The following FANCB variants were observed in gnomAD, a reference collection of about 807,000 sequenced individuals.
The protein encoded by FANCB is Fanconi anemia group B protein.
A neutral mutation model predicts 38.9 loss-of-function variants in FANCB; 5 were observed. The observed-to-expected ratio is 0.13, with a 90% CI of 0.07 to 0.27. The LOEUF (loss-of-function observed/expected upper bound fraction) is 0.27, where lower values mean the gene tolerates loss of function less well. Among genes scored for constraint, FANCB ranks in the 10% least tolerant of loss-of-function variants. The probability of loss-of-function intolerance (pLI) is 1.00; values close to 1 mark genes in which losing one functional copy is unlikely to be tolerated. For missense variants in FANCB, 573 were observed against 602.7 expected, an observed-to-expected ratio of 0.95 and a Z score of 0.52; for synonymous variants, 236 against 215.4, an observed-to-expected ratio of 1.10 and a Z score of -0.84.
At chrX:14,759,580 CA>C in the FANCB span, among the ~76,000 whole-genome samples, 2 of 111,275 alleles carry the variant, frequency 1.8e-5, no homozygotes, top group African/African-American at 6.5e-5. Context: ...CGTTTTTAAA[CA>C]AAATAATTAT....
chrX:14,831,828 C>T (rs1289264542), downstream of FANCB, among the ~76,000 whole-genome samples: 2 of 111,444 alleles, frequency 1.8e-5, no homozygotes, highest in African/African-American at 6.5e-5. Context: ...AGAGTAAAAA[C>T]AAGGAGACAA....
the FANCB span, among the ~76,000 whole-genome samples, chrX:14,729,459 C>A: frequency 9.0e-6 from 1 of 111,514 alleles, no homozygotes; most frequent in African/African-American, 3.3e-5. Context: ...GGAATAAATA[C>A]AATTTTTCAG....
At position 14,845,274 on chromosome X, in the gene FANCB, A is replaced by T; in HGVS notation, c.1509T>A (p.Asp503Glu). The change falls in exon 8 of 10, where the codon GAT (aspartate) becomes GAA (glutamate). Residue 503 changes from aspartate (D) to glutamate (E), a missense_variant. Transcript: ENST00000650831. ...TTSSLKLSLN[D>E]VTLSLLMDQA... is the part of the protein sequence containing the mutation. ...GATCCATTAACAATGATAAAGTCAC[A>T]TCATTCAGGGACCTGTAAAAAACCC... The T allele has an allele frequency of 8.3e-7, 1 of 1,208,342 alleles. No individual in the cohort carries two copies.
chrX:14,855,537 A>T (rs190141961), intron 5 of FANCB, among the ~76,000 whole-genome samples: 1 of 111,517 alleles, frequency 9.0e-6, no homozygotes, highest in East Asian at 2.8e-4. Flanking sequence ...AATTTTTCTC[A>T]TATATTCGGG....
chrX:14,785,429 T>C, the FANCB span, among the ~76,000 whole-genome samples: 1 of 112,422 alleles, frequency 8.9e-6, no homozygotes, highest in Non-Finnish European at 1.9e-5. Flanking sequence ...CTGCCATTTT[T>C]ACTTGACTTG....
At chrX:14,867,811 T>G (rs756753323) in intron 2 of FANCB, among the ~76,000 whole-genome samples, 1 of 105,896 alleles carries the variant, frequency 9.4e-6, no homozygotes, top group Non-Finnish European at 1.9e-5. Context: ...TAAGAAAACA[T>G]TTGCAAACTA....
chrX:14,756,396 G>C, the FANCB span, among the ~76,000 whole-genome samples: 1 of 112,230 alleles, frequency 8.9e-6, no homozygotes, highest in East Asian at 2.8e-4. Flanking sequence ...ACTGATAGGA[G>C]AAAGTATTTG....
the FANCB span, among the ~76,000 whole-genome samples, chrX:14,794,460 A>G: frequency 1.8e-5 from 2 of 112,055 alleles, no homozygotes; most frequent in African/African-American, 6.5e-5. Context: ...TAAAGGGAAA[A>G]TTGGAGCTAC....
the FANCB span, among the ~76,000 whole-genome samples, chrX:14,820,113 C>T: frequency 9.0e-6 from 1 of 111,029 alleles, no homozygotes; most frequent in Non-Finnish European, 1.9e-5. Flanking sequence ...ACTAACCTAC[C>T]CATCCCTCTT....
chrX:14,796,519 CATAT>C, the FANCB span, among the ~76,000 whole-genome samples: 2 of 93,953 alleles, frequency 2.1e-5, no homozygotes, highest in African/African-American at 7.8e-5. Flanking sequence ...TAATATATAA[CATAT>C]ATAATCTATT....
chrX:14,867,931 G>T (rs752804555), intron 2 of FANCB, among the ~76,000 whole-genome samples: 42 of 110,851 alleles, frequency 3.8e-4, no homozygotes, highest in East Asian at 1.7e-3. Context: ...ACACACAAAT[G>T]GTCAAAAGGT....
In FANCB at chrX:14,856,308, A is replaced by G. The variant is rs750729917; in HGVS notation, c.1197+1554T>C. ...AAAAGACATAAGTAATTCATATTTT[A>G]GCAACTATAATAACTTTTCCTCTGA... On this transcript the variant is annotated intron_variant, in intron 5 of 9. Transcript: ENST00000650831. Among the ~76,000 whole-genome samples, 5 of 112,307 alleles carry G rather than the reference A, an allele frequency of 4.5e-5. No individual in the cohort carries two copies. The East Asian group carries it at 1.4e-3, about 31-fold the overall frequency.
chrX:14,755,987 A>T, the FANCB span, among the ~76,000 whole-genome samples: 2 of 112,131 alleles, frequency 1.8e-5, no homozygotes, highest in African/African-American at 6.5e-5. Context: ...GAAAACTCAG[A>T]ATATAAAAGA....
the FANCB span, among the ~76,000 whole-genome samples, chrX:14,748,448 T>C: frequency 1.8e-5 from 2 of 112,488 alleles, no homozygotes; most frequent in South Asian, 7.4e-4. Context: ...CCACAGCAAC[T>C]GTGCAGTAAT....
At position 14,864,770 on chromosome X, in the gene FANCB, G is replaced by A; in HGVS notation, c.741C>T (p.Ile247=). 8.3e-7 allele frequency: 1 copy of A among 1,209,663 alleles called. No homozygotes were observed. The highest frequency in any genetic ancestry group is 1.1e-6 in the Non-Finnish European group (1 of 893,616). The change falls in exon 3 of 10, where the codon ATC becomes ATT. Residue 247 remains isoleucine (I), a synonymous_variant. Coordinates refer to ENST00000650831, the MANE Select transcript of FANCB (RefSeq NM_001018113.3). ...GAGATATTCTTAACTGGTTTTTGAT[G>A]ATCTCAGTTGCACAAATATGTACAT... is the stretch of plus-strand genomic sequence containing the variant. ...VTYVHICATE[I]IKNQLRISLI...
In FANCB at chrX:14,864,959, C is replaced by T. The variant is rs771998496; in HGVS notation, c.552G>A (p.Leu184=). 1.1e-5 allele frequency: 13 copies of T among 1,210,980 alleles called. No homozygotes were observed. The highest frequency in any genetic ancestry group is 3.0e-5 in the East Asian group (1 of 33,797). ...CAGATAAACAACATTCCTTTAGTCC[C>T]AATAAAACCATACCTAAATTTTCAA... ...GEIENLGMVL[L]GLKECCLSEE... Residue 184 remains leucine, a synonymous_variant, in exon 3 of 10, where the codon TTG becomes TTA. Coordinates refer to ENST00000650831, the MANE Select transcript of FANCB (RefSeq NM_001018113.3).
the FANCB span, among the ~76,000 whole-genome samples, chrX:14,812,038 A>C: frequency 6.3e-5 from 7 of 111,799 alleles, no homozygotes; most frequent in Admixed American, 6.6e-4. Flanking sequence ...CTACATGGAA[A>C]CTGAACAACC....
chrX:14,755,839 G>A, the FANCB span, among the ~76,000 whole-genome samples: 1 of 110,911 alleles, frequency 9.0e-6, no homozygotes, highest in Non-Finnish European at 1.9e-5. Flanking sequence ...ACCCTGAATA[G>A]CCAAAGCAAT....
intron 6 of FANCB, 73 bp downstream of exon 6, chrX:14,852,966 T>A: frequency 1.0e-6 from 1 of 990,692 alleles, no homozygotes; most frequent in East Asian, 3.2e-5. Flanking sequence ...AATATTCCAA[T>A]TTAAATAACT....
Sources: gnomAD v4.1 joint callset for allele counts (sites outside exome capture counted in the v4.1 genomes callset) on GRCh38, gnomAD v4.1.1 for gene constraint, MANE v1.5 for transcripts, NCBI Gene and HGNC (gene_info 2026-07-23, HGNC 2026-07-21) for gene names.